CARMIL3: variants seen among roughly 807,000 people sequenced by gnomAD.
CARMIL3 encodes capping protein regulator and myosin 1 linker 3.
In CARMIL3, 88 loss-of-function variants were observed where a neutral mutation model predicts 180.8. That is an observed-to-expected ratio of 0.49 (90% CI 0.41 to 0.58). CARMIL3 has a LOEUF of 0.58. CARMIL3 is among the 20% of genes least tolerant of loss of function. The pLI is 0.00. For missense variants in CARMIL3, 1,548 were observed against 1,787.0 expected, an observed-to-expected ratio of 0.87 and a Z score of 2.41; for synonymous variants, 696 against 714.5, an observed-to-expected ratio of 0.97 and a Z score of 0.41.
Position 24,059,986 on chromosome 14 carries a change from T to G in CARMIL3, c.1885T>G (p.Phe629Val). The part of the protein sequence containing the change: ...RALESNHTLR[F>V]MSFPVSDISQ... Reference sequence around the variant, plus strand: ...GTCCCACAGCAACCACACGCTGCGCTTCATGTCCTTCCCCGTGAGCGACAT... The same window carrying G: ...GTCCCACAGCAACCACACGCTGCGCGTCATGTCCTTCCCCGTGAGCGACAT... Residue 629 changes from phenylalanine to valine, a missense_variant, in exon 23 of 40, where the codon TTC becomes GTC. Around this residue, in one of 4 missense-constraint regions of CARMIL3, gnomAD observed 297 missense variants for 415.9 expected, o/e 0.71. Coordinates refer to ENST00000342740, the MANE Select transcript of CARMIL3 (RefSeq NM_138360.4). This position sits in a 1 kb window ranked among gnomAD's most constrained non-coding sequence, Gnocchi z 6.3. 6.2e-7 allele frequency: 1 copy of G among 1,613,990 alleles called. No homozygotes were observed. Among genetic ancestry groups the G allele is most frequent in the Non-Finnish European group, 8.5e-7 (1 of 1,180,000 alleles).
chr14:24,064,549 A>G (rs982979235), intron 32 of CARMIL3, among the ~76,000 whole-genome samples: 1 of 152,164 alleles, frequency 6.6e-6, no homozygotes, highest in Non-Finnish European at 1.5e-5. Flanking sequence ...GCTGGGAAGA[A>G]TGGGGCCAGA....
At position 24,063,437 on chromosome 14, in the gene CARMIL3, A is replaced by G. The variant is rs2035753451; in HGVS notation, c.2883A>G (p.Leu961=). 6.2e-7 allele frequency: 1 copy of G among 1,613,932 alleles called. No homozygotes were observed. The highest frequency in any genetic ancestry group is 8.5e-7 in the Non-Finnish European group (1 of 1,180,000). The change falls in exon 31 of 40, where the codon CTA becomes CTG. Residue 961 remains leucine, a synonymous_variant. Transcript: ENST00000342740. ...QPTASGSWEG[L]SELPTHGYKL... Reference sequence around the variant, plus strand: ...CAGCTAGTGGCTCCTGGGAAGGTCTATCTGAGCTGCCCACTCATGGTTACA... The same window carrying G: ...CAGCTAGTGGCTCCTGGGAAGGTCTGTCTGAGCTGCCCACTCATGGTTACA...
chr14:24,062,223 C>G, intron 27 of CARMIL3: 1 of 570,148 alleles, frequency 1.8e-6, no homozygotes, highest in Non-Finnish European at 3.1e-6. Flanking sequence ...ACCTAGGGCC[C>G]CCTTGCTCCT....
chr14:24,069,190 C>A lies in CARMIL3; in HGVS notation c.4036C>A (p.Arg1346=), dbSNP rs762517310. The change falls in exon 39 of 40, where the codon CGG becomes AGG. Residue 1346 remains arginine, a synonymous_variant. Coordinates refer to ENST00000342740, the MANE Select transcript of CARMIL3 (RefSeq NM_138360.4). The part of the protein sequence containing the change: ...TAPLKPKRTR[R]AQSCDKLEPD... ...CCCCCTGAAGCCCAAGAGGACACGG[C>A]GGGCACAGTCCTGTGACAAGCTGGA... 6.2e-7 allele frequency: 1 copy of A among 1,613,924 alleles called. No homozygotes were observed. The highest frequency in any genetic ancestry group is 8.5e-7 in the Non-Finnish European group (1 of 1,179,990).
intron 31 of CARMIL3, 31 bp from the exon 32 acceptor site, chr14:24,064,215 G>A (rs1455308596): frequency 6.5e-7 from 1 of 1,545,976 alleles, no homozygotes; most frequent in Admixed American, 1.7e-5. Context: ...TGACCTAGAT[G>A]AGATGTCCCA....
In CARMIL3 at chr14:24,055,144, G is replaced by A. The variant is rs1214867827; in HGVS notation, c.531+8G>A. The A allele has an allele frequency of 1.9e-6, 3 of 1,613,932 alleles. No homozygotes were observed. Among genetic ancestry groups the A allele is most frequent in the Non-Finnish European group, 2.5e-6 (3 of 1,180,022 alleles). On this transcript the variant is annotated splice_region_variant and intron_variant, in intron 7 of 39. Transcript: ENST00000342740. ...CGTGAGGAGGTTCAATGGGTATGTT[G>A]GGCAGGGACCCCATAGGGAACAGGT...
In CARMIL3 at chr14:24,067,145, G is replaced by A. The variant is rs180752146; in HGVS notation, c.3682+489G>A. Reference sequence around the variant, plus strand: ...CCAAACATGGGCAAGAGCTCGCCTCGGAGGTCAGAAACCTGCAGTATTAGT... The same window carrying A: ...CCAAACATGGGCAAGAGCTCGCCTCAGAGGTCAGAAACCTGCAGTATTAGT... On this transcript the variant is annotated intron_variant, in intron 36 of 39. Transcript: ENST00000342740. Among the ~76,000 whole-genome samples, 61 of 152,348 alleles carry A rather than the reference G, an allele frequency of 4.0e-4. 1 individual carries two copies. Among genetic ancestry groups the A allele is most frequent in the African/African-American group, 1.3e-3 (52 of 41,574 alleles).
rs373114693 is a variant in CARMIL3 at position 24,053,659 on chromosome 14, G to A, written c.41-50G>A. On this transcript the variant is annotated intron_variant, in intron 1 of 39. Transcript: ENST00000342740. Reference sequence around the variant, plus strand: ...CTATCTGGAGAGCTCTGGGAGGTGGGGGTGGCCAGGGTAAGGTGAAGCTCT... The same window carrying A: ...CTATCTGGAGAGCTCTGGGAGGTGGAGGTGGCCAGGGTAAGGTGAAGCTCT... 6 of 1,409,658 alleles carry A rather than the reference G, an allele frequency of 4.3e-6. No homozygotes were observed. The African/African-American group carries it at 5.7e-5, about 13-fold the overall frequency. 87.3% of individuals were successfully genotyped at this position (1,409,658 alleles called of 1,614,324 possible).
intron 28 of CARMIL3, 29 bp from the exon 29 acceptor site, chr14:24,062,680 G>C: frequency 1.2e-6 from 2 of 1,610,174 alleles, no homozygotes; most frequent in Non-Finnish European, 1.7e-6. Context: ...AGCTTCCATG[G>C]AATTCTGTTC....
rs773587316 is a variant in CARMIL3, at chr14:24,058,193, G to A, written c.1361G>A (p.Ser454Asn). The stretch of plus-strand genomic sequence containing the variant: ...GGCCTCTCCCTCAACAGTCACCTCA[G>A]TGACCTGCACCTGGATCTCAGCAGC... ...LQGLSLNSHL[S>N]DLHLDLSSCE... is the part of the protein sequence containing the mutation. The change falls in exon 17 of 40, where the codon AGT becomes AAT. Residue 454 changes from serine (S) to asparagine (N), a missense_variant. Physicochemically the swap from Ser to Asn is conservative, Grantham distance 46 (BLOSUM62 1). This residue lies in a region of CARMIL3 where 578 missense variants were observed against 666.5 expected (regional missense o/e 0.87). Transcript: ENST00000342740. This position sits in a 1 kb window ranked among gnomAD's most constrained non-coding sequence, Gnocchi z 6.4. 6.2e-7 allele frequency: 1 copy of A among 1,613,704 alleles called. No individual in the cohort carries two copies. The highest frequency in any genetic ancestry group is 1.3e-5 in the African/African-American group (1 of 74,900).
intron 27 of CARMIL3, 67 bp from the exon 28 acceptor site, chr14:24,062,413 A>T: frequency 7.3e-7 from 1 of 1,374,302 alleles, no homozygotes; most frequent in Non-Finnish European, 1.0e-6. Context: ...TGGGAGAGGG[A>T]GTGCCTCAGG....
chr14:24,054,800 G>T lies in CARMIL3; in HGVS notation c.452G>T (p.Ser151Ile). 1 of 1,613,888 alleles carries T rather than the reference G, an allele frequency of 6.2e-7. No individual in the cohort carries two copies. Residue 151 changes from serine (S) to isoleucine (I), a missense_variant, in exon 6 of 40, where the codon AGT becomes ATT. Transcript: ENST00000342740. The surrounding 1 kb of genome is among the most constrained non-coding windows in gnomAD (Gnocchi z 5.1). ...NSETSTSTTH[S>I]VCGGFSETYA... ...GAGACTTCCACATCTACCACCCACA[G>T]TGTCTGCGGTGAGCAGGGGCAGATG...
intron 34 of CARMIL3, 117 bp downstream of exon 34, chr14:24,065,867 G>T (rs2035781989): frequency 2.1e-6 from 3 of 1,428,340 alleles, no homozygotes; most frequent in Non-Finnish European, 2.8e-6. Flanking sequence ...TTTGGCATTA[G>T]AAGATGTTAG....
Position 24,063,371 on chromosome 14 carries a change from C to A in CARMIL3, c.2817C>A (p.Ile939=), listed in dbSNP as rs944119524. 1 of 1,609,058 alleles carries A rather than the reference C, an allele frequency of 6.2e-7. No individual in the cohort carries two copies. Among genetic ancestry groups the A allele is most frequent in the Non-Finnish European group, 8.5e-7 (1 of 1,176,966 alleles). ...AAAGCCAACTGGGGAATCTGGGGAT[C>A]CCCCCTGGCTGGTTCTCAGGACTTG... ...DMESQLGNLG[I]PPGWFSGLGG... The change falls in exon 31 of 40, where the codon ATC becomes ATA. Residue 939 remains isoleucine (I), a synonymous_variant. Transcript: ENST00000342740.
Position 24,062,751 on chromosome 14 carries a change from G to C in CARMIL3, c.2611G>C (p.Gly871Arg). 4 of 1,613,454 alleles carry C rather than the reference G, an allele frequency of 2.5e-6. No homozygotes were observed. The highest frequency in any genetic ancestry group is 3.4e-6 in the Non-Finnish European group (4 of 1,179,634). Reference protein sequence around the residue: ...TQLRTLSDPPGCPGQGQDLSS... With the variant: ...TQLRTLSDPPRCPGQGQDLSS... The stretch of plus-strand genomic sequence containing the variant: ...GCTAAGGACGCTGTCAGATCCACCA[G>C]GGTGCCCAGGCCAAGGGCAGGATCT... Residue 871 changes from glycine to arginine, a missense_variant, in exon 29 of 40, where the codon GGG becomes CGG. Transcript: ENST00000342740.
chr14:24,066,326 C>T (rs2035786115), intron 34 of CARMIL3, 72 bp from the exon 35 acceptor site: 11 of 1,539,102 alleles, frequency 7.1e-6, no homozygotes, highest in Non-Finnish European at 8.9e-7. Context: ...GATGCTAGAG[C>T]AGAAGCCCTT....
In CARMIL3 at chr14:24,058,787, G is replaced by T; in HGVS notation, c.1474+26G>T. ...GTGAGTAGTGGTTCCTCCCTTCCCTGGGGCCAGGGGAGAACAGGGGCCTGG... is the reference window on the plus strand; with the variant it reads ...GTGAGTAGTGGTTCCTCCCTTCCCTTGGGCCAGGGGAGAACAGGGGCCTGG... On this transcript the variant is annotated intron_variant, in intron 18 of 39. Transcript: ENST00000342740. The surrounding 1 kb of genome is among the most constrained non-coding windows in gnomAD (Gnocchi z 6.4). 1 of 1,613,694 alleles carries T rather than the reference G, an allele frequency of 6.2e-7. No individual in the cohort carries two copies. Among genetic ancestry groups the T allele is most frequent in the Non-Finnish European group, 8.5e-7 (1 of 1,179,654 alleles).
Position 24,058,912 on chromosome 14 carries a change from A to G in CARMIL3, c.1497A>G (p.Thr499=). 9.3e-6 allele frequency: 15 copies of G among 1,614,196 alleles called. No individual in the cohort carries two copies. Among genetic ancestry groups the G allele is most frequent in the Non-Finnish European group, 1.3e-5 (15 of 1,180,038 alleles). The change falls in exon 19 of 40, where the codon ACA becomes ACG. Residue 499 remains threonine, a synonymous_variant. Transcript: ENST00000342740. This position sits in a 1 kb window ranked among gnomAD's most constrained non-coding sequence, Gnocchi z 6.4. ...SDNGFDSDLL[T]LVPALGKNKS... ...CAGGGTTCGACTCGGACCTCCTGAC[A>G]CTGGTGCCTGCACTTGGCAAGAACA...
rs771397263 is a variant in CARMIL3 at position 24,058,791 on chromosome 14, C to T, written c.1474+30C>T. ...GTAGTGGTTCCTCCCTTCCCTGGGG[C>T]CAGGGGAGAACAGGGGCCTGGAGCA... On this transcript the variant is annotated intron_variant, in intron 18 of 39. Coordinates refer to ENST00000342740, the MANE Select transcript of CARMIL3 (RefSeq NM_138360.4). The surrounding 1 kb of genome is among the most constrained non-coding windows in gnomAD (Gnocchi z 6.4). 7 of 1,612,968 alleles carry T rather than the reference C, an allele frequency of 4.3e-6. No individual in the cohort carries two copies. In the South Asian group the frequency reaches 6.6e-5, roughly 15 times the overall value.
Sources: allele counts gnomAD v4.1 joint callset (sites outside exome capture counted in the v4.1 genomes callset), GRCh38; gene constraint gnomAD v4.1.1; regional missense constraint gnomAD v4.1.1; non-coding constraint Gnocchi (gnomAD v3.1); transcripts MANE v1.5; gene names NCBI Gene and HGNC (gene_info 2026-07-23, HGNC 2026-07-21).